The following CDC14A variants were observed in gnomAD, a reference collection of about 807,000 sequenced individuals.
CDC14A encodes the protein cell division cycle 14A.
CDC14A carries 53 observed loss-of-function variants against 74.4 expected under a neutral mutation model. The ratio of observed to expected loss-of-function variants is 0.71; its 90% CI spans 0.57 to 0.89. The LOEUF (loss-of-function observed/expected upper bound fraction) is 0.89. Ranked by LOEUF, CDC14A falls within the 40% of genes least tolerant of loss-of-function variation. The pLI is 0.00. For synonymous variants in CDC14A, 247 were observed against 258.4 expected (o/e 0.96, Z 0.43); for missense variants, 646 against 713.7 (o/e 0.91, Z 1.08).
chr1:100,498,340 T>C, intron 14 of CDC14A, 133 bp downstream of exon 14: 1 of 972,480 alleles, frequency 1.0e-6, no homozygotes, highest in Admixed American at 2.3e-5. Flanking sequence ...GACCCTGTGA[T>C]GTTCTGGGGC....
intron 2 of CDC14A, among the ~76,000 whole-genome samples, chr1:100,361,084 A>G (rs759179008): frequency 4.0e-5 from 6 of 150,818 alleles, no homozygotes; most frequent in African/African-American, 1.5e-4. Context: ...CCACAGCTCA[A>G]TACCCCTTTG....
chr1:100,434,961 G>T (rs1030616971), intron 5 of CDC14A, among the ~76,000 whole-genome samples: 1 of 152,184 alleles, frequency 6.6e-6, no homozygotes, highest in East Asian at 1.9e-4. Flanking sequence ...CTTTCTAGCG[G>T]CAGCCTCAGC....
chr1:100,477,416 G>A lies in CDC14A; in HGVS notation c.978-6876G>A, dbSNP rs527772526. On this transcript the variant is annotated intron_variant, in intron 10 of 15. Transcript: ENST00000336454. ...AGTATGATGAATAAGAGCATATAGA[G>A]GAGTCGTGTGACTTAAGTGTTATTT... Among the ~76,000 whole-genome samples, 94 of 151,826 alleles carry A rather than the reference G, an allele frequency of 6.2e-4. 1 individual carries two copies. Among genetic ancestry groups the A allele is most frequent in the African/African-American group, 2.3e-3 (94 of 41,416 alleles).
intron 6 of CDC14A, among the ~76,000 whole-genome samples, chr1:100,441,049 C>G (rs1297079048): frequency 6.6e-6 from 1 of 152,052 alleles, no homozygotes; most frequent in Non-Finnish European, 1.5e-5. Context: ...GGAAAATATG[C>G]CTGAGGGAAA....
At position 100,352,964 on chromosome 1, in the gene CDC14A, G is replaced by T; in HGVS notation, c.10G>T (p.Glu4Ter). 2 of 1,614,108 alleles carry T rather than the reference G, an allele frequency of 1.2e-6. No individual in the cohort carries two copies. The highest frequency in any genetic ancestry group is 1.7e-6 in the Non-Finnish European group (2 of 1,180,024). The change falls in exon 1 of 16, where the codon GAG (glutamate) becomes TAG (stop). Residue 4 changes from glutamate (E) to a stop codon, truncating the protein, a stop_gained. Transcript: ENST00000336454. LOFTEE classifies it high-confidence loss of function. The stretch of plus-strand genomic sequence containing the variant: ...GCGTATCTCGCTTAAGATGGCAGCG[G>T]AGTCAGGGGAACTAATCGGGGCTTG... The part of the protein sequence containing the change: MAA[E>*]SGELIGACEF...
Position 100,508,476 on chromosome 1 carries a change from G to A in CDC14A, c.1755+9214G>A, listed in dbSNP as rs372119986. Among the ~76,000 whole-genome samples the A allele has an allele frequency of 2.6e-5, 4 of 152,210 alleles. No homozygotes were observed. The highest frequency in any genetic ancestry group is 7.2e-5 in the African/African-American group (3 of 41,522). On this transcript the variant is annotated intron_variant, in intron 15 of 15. Transcript: ENST00000336454. This position sits in a 1 kb window ranked among gnomAD's most constrained non-coding sequence, Gnocchi z 4.4. The stretch of plus-strand genomic sequence containing the variant: ...TTGGTTGGTAGGTTCAGATGGGATG[G>A]GAGTGTTGGTGTGTTTCTCTCCTCT...
chr1:100,361,920 A>G lies in CDC14A; in HGVS notation c.140+8068A>G, dbSNP rs180703966. On this transcript the variant is annotated intron_variant, in intron 2 of 15. Transcript: ENST00000336454. ...GCAGCAGTGGGGAAAGAAAGGCCAGATGGGGAGAGGCTGGAAAGAATTGGT... is the reference window on the plus strand; with the variant it reads ...GCAGCAGTGGGGAAAGAAAGGCCAGGTGGGGAGAGGCTGGAAAGAATTGGT... 5.3e-5 allele frequency among the ~76,000 whole-genome samples: 8 copies of G among 152,316 alleles called. No homozygotes were observed. In the East Asian group the frequency reaches 1.4e-3, roughly 26 times the overall value.
At chr1:100,438,089 TAA>T (rs1408435796) in intron 5 of CDC14A, among the ~76,000 whole-genome samples, 1 of 152,136 alleles carries the variant, frequency 6.6e-6, no homozygotes, top group Non-Finnish European at 1.5e-5. Flanking sequence ...ATTAGCAATA[TAA>T]GTGACAATTT....
intron 5 of CDC14A, 63 bp from the exon 6 acceptor site, chr1:100,439,869 A>G (rs766266724): frequency 5.8e-6 from 7 of 1,199,636 alleles, no homozygotes; most frequent in Non-Finnish European, 7.4e-6. Context: ...CTTTGGTGTT[A>G]TATTTTATTA....
chr1:100,434,741 T>A (rs1664119992), intron 5 of CDC14A, among the ~76,000 whole-genome samples: 1 of 152,124 alleles, frequency 6.6e-6, no homozygotes. Context: ...AGTTGTTTTT[T>A]TTTGGAGTGG....
At chr1:100,481,390 C>G (rs1015196990) in intron 10 of CDC14A, among the ~76,000 whole-genome samples, 3 of 152,064 alleles carry the variant, frequency 2.0e-5, no homozygotes, top group African/African-American at 7.2e-5. Context: ...TGAAGGAGGA[C>G]AGGTCAGCCA....
intron 15 of CDC14A, among the ~76,000 whole-genome samples, chr1:100,503,453 T>A (rs1421666471): frequency 6.6e-6 from 1 of 152,202 alleles, no homozygotes; most frequent in African/African-American, 2.4e-5. Context: ...AAAGCTACAA[T>A]TAGCATCTCT....
chr1:100,426,417 C>T (rs548978335), intron 5 of CDC14A, among the ~76,000 whole-genome samples: 15 of 152,000 alleles, frequency 9.9e-5, no homozygotes, highest in African/African-American at 3.4e-4. Context: ...CAGTCAAGAA[C>T]TAGAATTTTA....
chr1:100,415,430 T>G (rs139389494), intron 4 of CDC14A, among the ~76,000 whole-genome samples: 1 of 152,250 alleles, frequency 6.6e-6, no homozygotes, highest in East Asian at 1.9e-4. Flanking sequence ...TACTGAAAAT[T>G]GTTAAGTATT....
intron 2 of CDC14A, among the ~76,000 whole-genome samples, chr1:100,369,079 A>G (rs1395088811): frequency 2.2e-5 from 3 of 137,698 alleles, no homozygotes; most frequent in Non-Finnish European, 4.7e-5. Context: ...GTTTTTTGAC[A>G]TTTTTTTTTT....
At chr1:100,506,867 A>T (rs1649279548) in intron 15 of CDC14A, among the ~76,000 whole-genome samples, 1 of 152,214 alleles carries the variant, frequency 6.6e-6, no homozygotes. Context: ...AAAAGAAAGC[A>T]AGTGCTTTTT....
At chr1:100,401,618 C>T (rs573482400) in intron 4 of CDC14A, among the ~76,000 whole-genome samples, 1 of 152,142 alleles carries the variant, frequency 6.6e-6, no homozygotes, top group Admixed American at 6.5e-5. Context: ...TAATTTTACT[C>T]TCAGCATTGT....
In CDC14A at chr1:100,519,323, C is replaced by G. The variant is rs968868756; in HGVS notation, c.*1043C>G. Reference sequence around the variant, plus strand: ...ACAGGGTACAACCCCCTGCTGCACACGCTAGCATATCTGGAACCTACTATG... The same window carrying G: ...ACAGGGTACAACCCCCTGCTGCACAGGCTAGCATATCTGGAACCTACTATG... On this transcript the variant is annotated 3_prime_UTR_variant, in exon 16 of 16. Transcript: ENST00000336454. The G allele has an allele frequency of 6.6e-6, 1 of 152,044 alleles. No individual in the cohort carries two copies. The highest frequency in any genetic ancestry group is 1.5e-5 in the Non-Finnish European group (1 of 67,964). 9.4% of individuals were successfully genotyped at this position (152,044 alleles called of 1,614,324 possible). A position where few individuals can be genotyped will look rare whatever the true frequency, so the allele number is the denominator to read the frequency against.
chr1:100,518,591 T>G lies in CDC14A; in HGVS notation c.*311T>G, dbSNP rs1650426034. 1 of 216,946 alleles carries G rather than the reference T, an allele frequency of 4.6e-6. No individual in the cohort carries two copies. The highest frequency in any genetic ancestry group is 2.3e-5 in the African/African-American group (1 of 43,378). The allele number at this position is 216,946 out of a possible 1,614,324, so 13.4% of individuals were successfully genotyped here. A position where few individuals can be genotyped will look rare whatever the true frequency, so the allele number is the denominator to read the frequency against. On this transcript the variant is annotated 3_prime_UTR_variant, in exon 16 of 16. Coordinates refer to ENST00000336454, the MANE Select transcript of CDC14A (RefSeq NM_003672.4). Reference sequence around the variant, plus strand: ...TAATACATTTATTATTATATTTACATGTACAGTGTTACATTATATATGTAT... The same window carrying G: ...TAATACATTTATTATTATATTTACAGGTACAGTGTTACATTATATATGTAT...
Sources: allele counts gnomAD v4.1 joint callset (sites outside exome capture counted in the v4.1 genomes callset), GRCh38; gene constraint gnomAD v4.1.1; non-coding constraint Gnocchi (gnomAD v3.1); transcripts MANE v1.5; gene names NCBI Gene and HGNC (gene_info 2026-07-23, HGNC 2026-07-21).